The following PPP2R2B variants were observed in gnomAD, a reference collection of about 807,000 sequenced individuals.
The protein encoded by PPP2R2B is serine/threonine-protein phosphatase 2A 55 kDa regulatory subunit B beta isoform.
A neutral mutation model predicts 46.0 loss-of-function variants in PPP2R2B; 5 were observed. The observed-to-expected ratio is 0.11, with a 90% CI of 0.06 to 0.23. The LOEUF (loss-of-function observed/expected upper bound fraction) is 0.23, where lower values mean the gene tolerates loss of function less well. Among genes scored for constraint, PPP2R2B ranks in the 10% least tolerant of loss-of-function variants. The pLI, the probability that PPP2R2B is intolerant of heterozygous loss-of-function variation, is 1.00. For missense variants in PPP2R2B, 367 were observed against 575.0 expected (o/e 0.64, Z 3.70); for synonymous variants, 215 against 206.7 (o/e 1.04, Z -0.34).
intron 2 of PPP2R2B, among the ~76,000 whole-genome samples, chr5:147,068,760 C>T (rs1313428892): frequency 6.6e-6 from 1 of 152,166 alleles, no homozygotes; most frequent in Admixed American, 6.5e-5. Flanking sequence ...ATCAGTTTTC[C>T]TTGGAAAATA....
intron 6 of PPP2R2B, among the ~76,000 whole-genome samples, chr5:146,648,896 T>C (rs534340051): frequency 3.3e-5 from 5 of 152,198 alleles, no homozygotes; most frequent in Non-Finnish European, 7.3e-5. Context: ...ATAACAAAGA[T>C]GGAGACAGGT....
At chr5:147,047,891 C>A (rs981170548) in intron 1 of PPP2R2B, among the ~76,000 whole-genome samples, 3 of 152,120 alleles carry the variant, frequency 2.0e-5, no homozygotes, top group Non-Finnish European at 4.4e-5. Context: ...AGCTGCAGAT[C>A]TACTGTCATT....
intron 2 of PPP2R2B, among the ~76,000 whole-genome samples, chr5:146,825,676 C>T (rs1215374099): frequency 6.6e-6 from 1 of 152,204 alleles, no homozygotes; most frequent in Non-Finnish European, 1.5e-5. Context: ...GTTACTTTTT[C>T]TGCCTCAGTT....
chr5:146,651,444 A>G (rs1239917683), intron 5 of PPP2R2B, among the ~76,000 whole-genome samples: 13 of 152,228 alleles, frequency 8.5e-5, no homozygotes, highest in Non-Finnish European at 1.8e-4. Context: ...TTGAATGAGT[A>G]AGAATACATG....
At chr5:146,848,794 C>T (rs568618080) in intron 2 of PPP2R2B, among the ~76,000 whole-genome samples, 26 of 152,286 alleles carry the variant, frequency 1.7e-4, no homozygotes, top group Non-Finnish European at 2.8e-4. Context: ...TTGCTGTCTT[C>T]CTTGAGGGTA....
At chr5:146,817,467 T>C (rs1036725539) in intron 2 of PPP2R2B, among the ~76,000 whole-genome samples, 1 of 152,232 alleles carries the variant, frequency 6.6e-6, no homozygotes, top group Non-Finnish European at 1.5e-5. Flanking sequence ...TGTGATCTTT[T>C]AATATATGTG....
chr5:146,633,691 C>T (rs556107570), intron 7 of PPP2R2B, among the ~76,000 whole-genome samples: 7 of 152,370 alleles, frequency 4.6e-5, no homozygotes, highest in East Asian at 3.9e-4. Context: ...CTGGCTCCTC[C>T]GCCTCCTTCA....
intron 1 of PPP2R2B, among the ~76,000 whole-genome samples, chr5:147,051,751 T>TC (rs1282728999): frequency 1.9e-4 from 27 of 143,664 alleles, no homozygotes; most frequent in Non-Finnish European, 3.9e-4. Flanking sequence ...CTGTTTTGCT[T>TC]CCTTTTTTTT....
intron 2 of PPP2R2B, among the ~76,000 whole-genome samples, chr5:147,064,496 G>A (rs1757360501): frequency 1.3e-5 from 2 of 152,200 alleles, no homozygotes; most frequent in Admixed American, 6.5e-5. Context: ...CTGCTTTACA[G>A]CAATACGGCC....
chr5:147,035,010 T>C (rs1254039321), intron 1 of PPP2R2B, among the ~76,000 whole-genome samples: 1 of 152,110 alleles, frequency 6.6e-6, no homozygotes, highest in Admixed American at 6.6e-5. Flanking sequence ...GAACACTTCA[T>C]ATCATGACAG....
intron 1 of PPP2R2B, among the ~76,000 whole-genome samples, chr5:146,960,822 G>A (rs1425584192): frequency 1.3e-5 from 2 of 152,164 alleles, no homozygotes; most frequent in East Asian, 1.9e-4. Flanking sequence ...CTTGCATGCT[G>A]AAACTGCAAG....
At chr5:146,743,398 G>A (rs571194135) in intron 2 of PPP2R2B, among the ~76,000 whole-genome samples, 1 of 152,234 alleles carries the variant, frequency 6.6e-6, no homozygotes, top group Admixed American at 6.5e-5. Context: ...CTAAAGGAAG[G>A]CATCATATTC....
At chr5:146,609,710 C>T (rs1009160285) in intron 7 of PPP2R2B, among the ~76,000 whole-genome samples, 1 of 147,288 alleles carries the variant, frequency 6.8e-6, no homozygotes, top group African/African-American at 2.6e-5. Context: ...AGTTCCCTTT[C>T]CGAGTCAAAG....
At chr5:146,602,991 G>A (rs776629417) in intron 7 of PPP2R2B, among the ~76,000 whole-genome samples, 3 of 152,206 alleles carry the variant, frequency 2.0e-5, no homozygotes, top group African/African-American at 7.2e-5. Context: ...CTGATCCAGA[G>A]GCAGTAAAGT....
At chr5:146,735,961 GT>G (rs532512179) in intron 2 of PPP2R2B, among the ~76,000 whole-genome samples, 18 of 152,158 alleles carry the variant, frequency 1.2e-4, no homozygotes, top group Non-Finnish European at 1.9e-4. Flanking sequence ...GACTGATTTA[GT>G]TTGGCTGTGT....
chr5:146,663,494 A>G (rs1219564847), intron 5 of PPP2R2B, among the ~76,000 whole-genome samples: 1 of 152,092 alleles, frequency 6.6e-6, no homozygotes, highest in Non-Finnish European at 1.5e-5. Context: ...ATATACAGGC[A>G]TGTCCCAGAG....
At chr5:146,690,787 G>A (rs1018733261) in intron 5 of PPP2R2B, among the ~76,000 whole-genome samples, 2 of 152,168 alleles carry the variant, frequency 1.3e-5, no homozygotes, top group Admixed American at 6.5e-5. Flanking sequence ...ACTGCAACTC[G>A]CCATCTGGAT....
intron 1 of PPP2R2B, among the ~76,000 whole-genome samples, chr5:146,908,605 A>G (rs1241722508): frequency 1.3e-5 from 2 of 151,640 alleles, no homozygotes; most frequent in Admixed American, 1.3e-4. Context: ...AAAGTTTAGC[A>G]GTCTGCACCC....
chr5:146,773,378 C>T (rs1316735578), intron 2 of PPP2R2B, among the ~76,000 whole-genome samples: 4 of 152,182 alleles, frequency 2.6e-5, no homozygotes, highest in Non-Finnish European at 5.9e-5. Context: ...AAAAGGCTTG[C>T]ACAAAGCAGA....
Sources: gnomAD v4.1 joint callset for allele counts (sites outside exome capture counted in the v4.1 genomes callset) on GRCh38, gnomAD v4.1.1 for gene constraint, MANE v1.5 for transcripts, NCBI Gene and HGNC (gene_info 2026-07-23, HGNC 2026-07-21) for gene names.